The following POLR3B variants were observed in gnomAD, a reference collection of about 807,000 sequenced individuals.
POLR3B encodes the protein DNA-directed RNA polymerase III subunit RPC2.
A neutral mutation model predicts 147.4 loss-of-function variants in POLR3B; 96 were observed. The observed-to-expected ratio is 0.65, with a 90% CI of 0.55 to 0.77. POLR3B has a LOEUF of 0.77. Ranked by LOEUF, POLR3B falls within the 30% of genes least tolerant of loss-of-function variation. POLR3B has a pLI of 0.00. For synonymous variants in POLR3B, 461 were observed against 485.9 expected (o/e 0.95, Z 0.67); for missense variants, 1,036 against 1,413.5 (o/e 0.73, Z 4.28).
chr12:106,454,975 G>GAA (rs77504339), intron 20 of POLR3B, among the ~76,000 whole-genome samples: 1 of 151,630 alleles, frequency 6.6e-6, no homozygotes, highest in Admixed American at 6.6e-5. Flanking sequence ...CCTTCAAAAA[G>GAA]AAAAAAAATG....
intron 6 of POLR3B, among the ~76,000 whole-genome samples, chr12:106,375,430 C>T (rs368431751): frequency 1.3e-5 from 2 of 152,110 alleles, no homozygotes; most frequent in African/African-American, 4.8e-5. Flanking sequence ...TGTGTATTTT[C>T]GCCATCTAGA....
chr12:106,437,175 C>A, intron 17 of POLR3B, 44 bp downstream of exon 17: 1 of 1,204,352 alleles, frequency 8.3e-7, no homozygotes, highest in Non-Finnish European at 1.2e-6. Context: ...TTAATACCCA[C>A]ATACATGATT....
chr12:106,495,998 T>C (rs1044901132), intron 23 of POLR3B, 57 bp from the exon 24 acceptor site: 2 of 981,728 alleles, frequency 2.0e-6, no homozygotes, highest in South Asian at 1.3e-5. Context: ...AATTAAGTAC[T>C]GTATTCTTCC....
intron 8 of POLR3B, 130 bp downstream of exon 8, chr12:106,378,514 G>A (rs1047730254): frequency 8.0e-6 from 5 of 628,670 alleles, no homozygotes; most frequent in African/African-American, 7.3e-5. Flanking sequence ...TAAGCTATCT[G>A]CATTCAATTT....
intron 1 of POLR3B, among the ~76,000 whole-genome samples, chr12:106,362,921 C>A (rs2036488441): frequency 1.3e-5 from 2 of 151,946 alleles, no homozygotes; most frequent in South Asian, 4.2e-4. Context: ...CCAGAAAGTT[C>A]CCTTATGACC....
intron 16 of POLR3B, 127 bp downstream of exon 16, chr12:106,433,999 G>A (rs75308048): frequency 1.0e-4 from 78 of 759,316 alleles, no homozygotes; most frequent in African/African-American, 9.8e-4. Context: ...ATTTAATTCC[G>A]TGAGCAAACA....
chr12:106,383,846 C>A (rs923158072), intron 9 of POLR3B, among the ~76,000 whole-genome samples: 1 of 151,824 alleles, frequency 6.6e-6, no homozygotes, highest in Non-Finnish European at 1.5e-5. Flanking sequence ...GGTGTGGTGG[C>A]GCACATCTGT....
At position 106,430,487 on chromosome 12, in the gene POLR3B, G is replaced by A. The variant is rs200061150; in HGVS notation, c.1464+14G>A. 350 of 1,605,778 alleles carry A rather than the reference G, an allele frequency of 2.2e-4. No individual in the cohort carries two copies. The African/African-American group carries it at 2.3e-3, about 11-fold the overall frequency. On this transcript the variant is annotated intron_variant, in intron 14 of 27. Transcript: ENST00000228347. ...CCTGAAGGAGAGGTAAGGAATCTGA[G>A]GAGTCTTGATGCTGTGTAAGAGGCG...
intron 18 of POLR3B, among the ~76,000 whole-genome samples, chr12:106,443,916 C>T (rs191897824): frequency 2.3e-4 from 35 of 152,268 alleles, no homozygotes; most frequent in Non-Finnish European, 4.0e-4. Context: ...CCTCCGCCTC[C>T]CGGGTTCAAG....
rs2037596074 is a variant in POLR3B, at chr12:106,437,715, G to A, written c.1891G>A (p.Glu631Lys). 1 of 1,603,702 alleles carries A rather than the reference G, an allele frequency of 6.2e-7. No individual in the cohort carries two copies. Among genetic ancestry groups the A allele is most frequent in the Non-Finnish European group, 8.5e-7 (1 of 1,170,864 alleles). Residue 631 changes from glutamate to lysine, a missense_variant, in exon 18 of 28, where the codon GAA becomes AAA. Coordinates refer to ENST00000228347, the MANE Select transcript of POLR3B (RefSeq NM_018082.6). ...FEDFLHESLV[E>K]YLDVNEENDC... Reference sequence around the variant, plus strand: ...AGATTTCTTACATGAGAGTCTGGTTGAATATTTAGATGTGAATGAAGAAAA... The same window carrying A: ...AGATTTCTTACATGAGAGTCTGGTTAAATATTTAGATGTGAATGAAGAAAA...
At chr12:106,503,053 T>C (rs987947677) in intron 26 of POLR3B, among the ~76,000 whole-genome samples, 2 of 152,238 alleles carry the variant, frequency 1.3e-5, no homozygotes, top group African/African-American at 2.4e-5. Flanking sequence ...TGTCTACCTT[T>C]ACCTCGTTCA....
At chr12:106,454,443 C>T in intron 19 of POLR3B, 59 bp from the exon 20 acceptor site, 1 of 838,924 alleles carries the variant, frequency 1.2e-6, no homozygotes, top group Non-Finnish European at 2.1e-6. Flanking sequence ...ATATTCATTA[C>T]TACCTTATTA....
At chr12:106,505,048 A>G (rs555315127) in intron 27 of POLR3B, among the ~76,000 whole-genome samples, 2 of 152,342 alleles carry the variant, frequency 1.3e-5, no homozygotes, top group South Asian at 2.1e-4. Flanking sequence ...AGGATTGCCA[A>G]TAAGTAAATC....
chr12:106,382,742 G>A (rs2036780387), intron 9 of POLR3B, among the ~76,000 whole-genome samples: 1 of 152,146 alleles, frequency 6.6e-6, no homozygotes, highest in African/African-American at 2.4e-5. Flanking sequence ...TGTTTCATTG[G>A]TAGGGCACAT....
intron 18 of POLR3B, 24 bp from the exon 19 acceptor site, chr12:106,444,439 T>C (rs769997927): frequency 1.3e-5 from 21 of 1,613,124 alleles, no homozygotes; most frequent in Non-Finnish European, 1.7e-5. Context: ...GCTTAAGATA[T>C]GTGATTTTTA....
chr12:106,358,093 C>T (rs769230776), intron 1 of POLR3B, 142 bp downstream of exon 1: 7 of 1,520,314 alleles, frequency 4.6e-6, no homozygotes, highest in South Asian at 3.6e-5. Flanking sequence ...GAGCGTCGCG[C>T]TTGCGAGTCT....
intron 18 of POLR3B, among the ~76,000 whole-genome samples, chr12:106,439,145 C>A (rs911015709): frequency 1.3e-5 from 2 of 152,116 alleles, no homozygotes; most frequent in Non-Finnish European, 2.9e-5. Context: ...GAGACTGAGG[C>A]AGGAGAATCG....
intron 12 of POLR3B, among the ~76,000 whole-genome samples, chr12:106,413,190 A>G (rs1459027170): frequency 6.6e-6 from 1 of 152,030 alleles, no homozygotes; most frequent in African/African-American, 2.4e-5. Flanking sequence ...TTGGTGTCAT[A>G]TTCATGAATT....
chr12:106,504,335 C>T lies in POLR3B; in HGVS notation c.3272+81C>T, dbSNP rs1164026547. On this transcript the variant is annotated intron_variant, in intron 27 of 27. Transcript: ENST00000228347. The surrounding 1 kb of genome is among the most constrained non-coding windows in gnomAD (Gnocchi z 4.6). ...TCAAGAATTGACCCTGGATCCTATC[C>T]GCATATTCTCCAGCCTCTGTCTGTG... is the stretch of plus-strand genomic sequence containing the variant. 39 of 1,122,310 alleles carry T rather than the reference C, an allele frequency of 3.5e-5. No individual in the cohort carries two copies. Among genetic ancestry groups the T allele is most frequent in the East Asian group, 2.1e-4 (9 of 42,688 alleles). 69.5% of individuals were successfully genotyped at this position (1,122,310 alleles called of 1,614,324 possible).
Sources: gnomAD v4.1 joint callset for allele counts (sites outside exome capture counted in the v4.1 genomes callset) on GRCh38, gnomAD v4.1.1 for gene constraint, Gnocchi (gnomAD v3.1) non-coding constraint, MANE v1.5 for transcripts, NCBI Gene and HGNC (gene_info 2026-07-23, HGNC 2026-07-21) for gene names.